Variants in ST3GAL2 observed in about 807,000 individuals in gnomAD.
The protein encoded by ST3GAL2 is CMP-N-acetylneuraminate-beta-galactosamide-alpha-2,3-sialyltransferase 2.
ST3GAL2 carries 16 observed loss-of-function variants against 37.5 expected under a neutral mutation model. The observed-to-expected ratio is 0.43, with a 90% CI of 0.29 to 0.65. The LOEUF (loss-of-function observed/expected upper bound fraction) is 0.65. Among genes scored for constraint, ST3GAL2 ranks in the 30% least tolerant of loss-of-function variants. The pLI, the probability that ST3GAL2 is intolerant of heterozygous loss-of-function variation, is 0.17. For synonymous variants in ST3GAL2, 238 were observed against 202.9 expected (o/e 1.17, Z -1.47); for missense variants, 383 against 487.8 (o/e 0.79, Z 2.02).
At chr16:70,416,622 A>G (rs1191518673) in intron 1 of ST3GAL2, among the ~76,000 whole-genome samples, 1 of 152,236 alleles carries the variant, frequency 6.6e-6, no homozygotes, top group Non-Finnish European at 1.5e-5. Flanking sequence ...AAATGCTTTG[A>G]AACCATTATT....
chr16:70,420,030 T>C (rs865909219), intron 1 of ST3GAL2, among the ~76,000 whole-genome samples: 32 of 134,872 alleles, frequency 2.4e-4, no homozygotes, highest in African/African-American at 1.2e-3. Context: ...TTCCCTTTTT[T>C]TTTTTTTTTT....
chr16:70,381,546 C>G lies in ST3GAL2; in HGVS notation c.*143G>C. The G allele has an allele frequency of 1.0e-6, 1 of 995,080 alleles. No homozygotes were observed. Among genetic ancestry groups the G allele is most frequent in the East Asian group, 2.7e-5 (1 of 37,452 alleles). 61.6% of individuals were successfully genotyped at this position (995,080 alleles called of 1,614,324 possible). A position where few individuals can be genotyped will look rare whatever the true frequency, so the allele number is the denominator to read the frequency against. ...AGCGCAGATTGGTGCCAGGCCCGGC[C>G]GGTCCCCCAGTCTCGTGATTGGCGG... On this transcript the variant is annotated 3_prime_UTR_variant, in exon 7 of 7. Transcript: ENST00000342907.
intron 4 of ST3GAL2, among the ~76,000 whole-genome samples, chr16:70,383,668 G>A (rs1337184623): frequency 6.6e-6 from 1 of 151,128 alleles, no homozygotes; most frequent in Non-Finnish European, 1.5e-5. Context: ...GAAAGGAAAG[G>A]AAGAAAAGAT....
At chr16:70,431,970 A>ATATATAT (rs1555562174) in intron 1 of ST3GAL2, among the ~76,000 whole-genome samples, 7 of 144,132 alleles carry the variant, frequency 4.9e-5, no homozygotes, top group African/African-American at 2.0e-4. Flanking sequence ...TCTTAAAAAA[A>ATATATAT]ATATATATAT....
In ST3GAL2 at chr16:70,398,751, C is replaced by A. The variant is rs1183606260; in HGVS notation, c.-221G>T. 1.8e-5 allele frequency: 11 copies of A among 598,646 alleles called. No individual in the cohort carries two copies. Among genetic ancestry groups the A allele is most frequent in the Non-Finnish European group, 2.7e-5 (9 of 337,694 alleles). The allele number at this position is 598,646 out of a possible 1,614,324, so 37.1% of individuals were successfully genotyped here. On this transcript the variant is annotated 5_prime_UTR_variant, in exon 2 of 7. Transcript: ENST00000342907. ...TGTCCTGTCCCTGAGTCAGGCGGGG[C>A]CCCTGCTTAGGGCTTCATCGGGTCT...
At chr16:70,423,272 G>C (rs578045179) in intron 1 of ST3GAL2, among the ~76,000 whole-genome samples, 1 of 152,216 alleles carries the variant, frequency 6.6e-6, no homozygotes, top group African/African-American at 2.4e-5. Context: ...ACTTTGGGAG[G>C]CTGCGTCCGG....
intron 1 of ST3GAL2, among the ~76,000 whole-genome samples, chr16:70,403,629 T>G (rs1199999921): frequency 6.6e-6 from 1 of 152,154 alleles, no homozygotes. Context: ...CTGGCCAACA[T>G]GGCGAAACCC....
chr16:70,425,635 C>A (rs1353294195), intron 1 of ST3GAL2, among the ~76,000 whole-genome samples: 2 of 152,042 alleles, frequency 1.3e-5, no homozygotes, highest in African/African-American at 4.8e-5. Context: ...AGGAGAATCG[C>A]TTGAACCCGA....
At chr16:70,392,625 G>A (rs759847705) in intron 3 of ST3GAL2, among the ~76,000 whole-genome samples, 1 of 152,214 alleles carries the variant, frequency 6.6e-6, no homozygotes, top group Non-Finnish European at 1.5e-5. Context: ...AGGGCTCAGA[G>A]GACAAATAGG....
Position 70,398,771 on chromosome 16 carries a change from G to T in ST3GAL2, c.-241C>A. On this transcript the variant is annotated 5_prime_UTR_variant, in exon 2 of 7. Transcript: ENST00000342907. ...CGGGGCCCCTGCTTAGGGCTTCATCGGGTCTCTCCGTCACTAGCTAGGCCA... is the reference window on the plus strand; with the variant it reads ...CGGGGCCCCTGCTTAGGGCTTCATCTGGTCTCTCCGTCACTAGCTAGGCCA... 1 of 587,264 alleles carries T rather than the reference G, an allele frequency of 1.7e-6. No individual in the cohort carries two copies. The highest frequency in any genetic ancestry group is 3.0e-6 in the Non-Finnish European group (1 of 330,162). 36.4% of individuals were successfully genotyped at this position (587,264 alleles called of 1,614,324 possible).
intron 6 of ST3GAL2, 86 bp from the exon 7 acceptor site, chr16:70,381,948 G>A (rs1484359702): frequency 1.3e-6 from 2 of 1,557,198 alleles, no homozygotes; most frequent in Non-Finnish European, 1.7e-6. Context: ...GGAGGAGAGG[G>A]GACGGGAGGC....
intron 1 of ST3GAL2, among the ~76,000 whole-genome samples, chr16:70,430,862 T>C (rs774862800): frequency 1.6e-4 from 24 of 152,096 alleles, no homozygotes; most frequent in Non-Finnish European, 3.4e-4. Flanking sequence ...CTGCCATCTT[T>C]TCTTGTGTAG....
rs145886987 is a variant in ST3GAL2, at chr16:70,428,964, G to T, written c.-1004+9985C>A. 3.3e-5 allele frequency among the ~76,000 whole-genome samples: 5 copies of T among 152,302 alleles called. No homozygotes were observed. In the East Asian group the frequency reaches 9.6e-4, roughly 29 times the overall value. On this transcript the variant is annotated intron_variant, in intron 1 of 6. Coordinates refer to ENST00000342907, the MANE Select transcript of ST3GAL2 (RefSeq NM_006927.4). ...GGGAATCCTATTAACAGTCACCCCA[G>T]GGCCTAAATGGTGGCCAGAGTAAGA... is the stretch of plus-strand genomic sequence containing the variant.
chr16:70,388,241 T>A, intron 4 of ST3GAL2, 126 bp downstream of exon 4: 1 of 1,244,586 alleles, frequency 8.0e-7, no homozygotes, highest in South Asian at 1.4e-5. Context: ...ACTTAGGCCC[T>A]CCCTTCTCAC....
At chr16:70,401,838 C>CA (rs890450459) in intron 1 of ST3GAL2, among the ~76,000 whole-genome samples, 5 of 151,692 alleles carry the variant, frequency 3.3e-5, no homozygotes, top group African/African-American at 1.2e-4. Flanking sequence ...ACTAAAAATA[C>CA]AAAAAATCAG....
intron 1 of ST3GAL2, among the ~76,000 whole-genome samples, chr16:70,401,349 G>A (rs1170778938): frequency 6.6e-6 from 1 of 152,180 alleles, no homozygotes; most frequent in East Asian, 1.9e-4. Context: ...TGTTAGGGAG[G>A]GGAAAATCCC....
intron 2 of ST3GAL2, among the ~76,000 whole-genome samples, chr16:70,397,644 T>C (rs2047526036): frequency 6.6e-6 from 1 of 152,032 alleles, no homozygotes; most frequent in East Asian, 1.9e-4. Flanking sequence ...GAGAATCACT[T>C]GAACCTGGGA....
At chr16:70,431,366 T>C (rs2047788655) in intron 1 of ST3GAL2, among the ~76,000 whole-genome samples, 1 of 152,252 alleles carries the variant, frequency 6.6e-6, no homozygotes, top group Admixed American at 6.5e-5. Context: ...GGGCTAGGAC[T>C]GCTCAGTCAA....
intron 1 of ST3GAL2, among the ~76,000 whole-genome samples, chr16:70,414,850 A>AT (rs887411610): frequency 1.3e-4 from 20 of 149,730 alleles, no homozygotes; most frequent in South Asian, 2.1e-4. Flanking sequence ...TTTTTCTATT[A>AT]TTATTTATTT....
Sources: allele counts gnomAD v4.1 joint callset (sites outside exome capture counted in the v4.1 genomes callset), GRCh38; gene constraint gnomAD v4.1.1; transcripts MANE v1.5; gene names NCBI Gene and HGNC (gene_info 2026-07-23, HGNC 2026-07-21).